GUCY1A2: variants seen among roughly 807,000 people sequenced by gnomAD.
The protein encoded by GUCY1A2 is guanylate cyclase 1 soluble subunit alpha 2, also known as guanylate cyclase soluble subunit alpha-2.
GUCY1A2 carries 27 observed loss-of-function variants against 63.5 expected under a neutral mutation model. The observed-to-expected ratio is 0.43, with a 90% CI of 0.31 to 0.59. The LOEUF is 0.59. Among genes scored for constraint, GUCY1A2 ranks in the 20% least tolerant of loss-of-function variants. The pLI, the probability that GUCY1A2 is intolerant of heterozygous loss-of-function variation, is 0.11. For synonymous variants in GUCY1A2, 364 were observed against 343.5 expected (o/e 1.06, Z -0.66); for missense variants, 768 against 913.3 (o/e 0.84, Z 2.05).
At chr11:106,721,008 T>G (rs1454026690) in intron 6 of GUCY1A2, among the ~76,000 whole-genome samples, 2 of 152,102 alleles carry the variant, frequency 1.3e-5, no homozygotes, top group East Asian at 3.8e-4. Context: ...AAATCAAAAA[T>G]TTATTTAAAA....
chr11:106,783,743 T>G (rs1357912550), intron 5 of GUCY1A2, among the ~76,000 whole-genome samples: 1 of 152,212 alleles, frequency 6.6e-6, no homozygotes, highest in Non-Finnish European at 1.5e-5. Context: ...ATTTTGAACA[T>G]GTAGCATGTC....
intron 6 of GUCY1A2, among the ~76,000 whole-genome samples, chr11:106,720,852 G>T (rs1242449557): frequency 2.0e-5 from 3 of 152,042 alleles, no homozygotes; most frequent in Admixed American, 6.6e-5. Context: ...ATAAATTGTA[G>T]ACTTTAGCTA....
At chr11:106,865,161 T>C (rs905196515) in intron 4 of GUCY1A2, among the ~76,000 whole-genome samples, 43 of 152,162 alleles carry the variant, frequency 2.8e-4, no homozygotes, top group African/African-American at 9.6e-4. Flanking sequence ...TCACTTCTTC[T>C]GGATTTTCTA....
chr11:106,744,745 T>C (rs183999958), intron 6 of GUCY1A2, among the ~76,000 whole-genome samples: 14 of 152,282 alleles, frequency 9.2e-5, no homozygotes, highest in Admixed American at 3.3e-4. Flanking sequence ...CATAGAATGA[T>C]GGAGTGGGGG....
intron 3 of GUCY1A2, among the ~76,000 whole-genome samples, chr11:106,963,997 G>T (rs7948216): frequency 6.6e-6 from 1 of 151,648 alleles, no homozygotes; most frequent in African/African-American, 2.4e-5. Context: ...TGTGCCATTT[G>T]CTTTCTTATT....
intron 4 of GUCY1A2, among the ~76,000 whole-genome samples, chr11:106,904,912 GA>G (rs1276876923): frequency 6.6e-6 from 1 of 151,632 alleles, no homozygotes; most frequent in African/African-American, 2.4e-5. Context: ...CTCCTGCTCT[GA>G]AAAAAAATGA....
chr11:106,968,623 A>C (rs955869665), intron 3 of GUCY1A2, among the ~76,000 whole-genome samples: 6 of 152,050 alleles, frequency 3.9e-5, no homozygotes, highest in African/African-American at 1.4e-4. Context: ...CCAACACTGG[A>C]GGTTCTCCCT....
intron 4 of GUCY1A2, among the ~76,000 whole-genome samples, chr11:106,925,670 T>G (rs1244858640): frequency 6.6e-6 from 1 of 152,228 alleles, no homozygotes; most frequent in Non-Finnish European, 1.5e-5. Flanking sequence ...TAACGGTTGG[T>G]CTGATAAGCA....
intron 4 of GUCY1A2, among the ~76,000 whole-genome samples, chr11:106,818,652 G>T (rs911192284): frequency 2.0e-5 from 3 of 152,128 alleles, no homozygotes; most frequent in African/African-American, 4.8e-5. Context: ...AAGGCATGTC[G>T]AAAGCTGAGA....
intron 3 of GUCY1A2, among the ~76,000 whole-genome samples, chr11:106,977,918 G>GA (rs141732297): frequency 0.068 from 10,381 of 151,750 alleles, 890 homozygotes; most frequent in East Asian, 0.3. Flanking sequence ...AAGACATTAG[G>GA]AAAAAAAATA....
At chr11:106,720,835 A>C (rs1489913446) in intron 6 of GUCY1A2, among the ~76,000 whole-genome samples, 4 of 152,160 alleles carry the variant, frequency 2.6e-5, no homozygotes, top group African/African-American at 9.7e-5. Context: ...AAATTAAGAA[A>C]ATATGAATAA....
chr11:106,862,227 T>C (rs1178871563), intron 4 of GUCY1A2, among the ~76,000 whole-genome samples: 1 of 152,024 alleles, frequency 6.6e-6, no homozygotes, highest in Admixed American at 6.6e-5. Context: ...AAATAAAGTA[T>C]CTATTACTCA....
intron 7 of GUCY1A2, among the ~76,000 whole-genome samples, chr11:106,695,289 G>A (rs540766245): frequency 3.9e-5 from 6 of 152,070 alleles, no homozygotes; most frequent in Admixed American, 6.5e-5. Context: ...TTTTGTTGTC[G>A]TTTCAAAAAA....
intron 3 of GUCY1A2, among the ~76,000 whole-genome samples, chr11:106,963,982 C>T (rs1346078220): frequency 6.6e-6 from 1 of 151,960 alleles, no homozygotes; most frequent in African/African-American, 2.4e-5. Context: ...CATTTGTGAA[C>T]AATTTGTGCC....
chr11:106,826,171 C>T (rs1012694516), intron 4 of GUCY1A2, among the ~76,000 whole-genome samples: 2 of 152,144 alleles, frequency 1.3e-5, no homozygotes, highest in Non-Finnish European at 2.9e-5. Context: ...AGATTTTTAT[C>T]CAAGTGGTCA....
chr11:106,909,711 G>A (rs1466128884), intron 4 of GUCY1A2, among the ~76,000 whole-genome samples: 1 of 151,976 alleles, frequency 6.6e-6, no homozygotes, highest in African/African-American at 2.4e-5. Flanking sequence ...TGGCTGAGTA[G>A]TATTCCATCT....
At chr11:106,928,313 A>G (rs920506699) in intron 4 of GUCY1A2, among the ~76,000 whole-genome samples, 3 of 152,156 alleles carry the variant, frequency 2.0e-5, no homozygotes, top group Non-Finnish European at 4.4e-5. Context: ...AAGAACCTAC[A>G]CATGTTATTA....
intron 4 of GUCY1A2, among the ~76,000 whole-genome samples, chr11:106,817,212 G>A: frequency 6.6e-6 from 1 of 151,922 alleles, no homozygotes; most frequent in East Asian, 1.9e-4. Context: ...GTTATATCTG[G>A]CCCAAATTAA....
intron 4 of GUCY1A2, among the ~76,000 whole-genome samples, chr11:106,878,241 A>G (rs988570672): frequency 1.3e-5 from 2 of 152,070 alleles, no homozygotes; most frequent in African/African-American, 4.8e-5. Context: ...AGACCTAAAA[A>G]CATAAATAAC....
Sources: allele counts gnomAD v4.1 joint callset (sites outside exome capture counted in the v4.1 genomes callset), GRCh38; gene constraint gnomAD v4.1.1; transcripts MANE v1.5; gene names NCBI Gene and HGNC (gene_info 2026-07-23, HGNC 2026-07-21).